NRG3: variants seen among roughly 807,000 people sequenced by gnomAD.
NRG3 encodes the protein pro-neuregulin-3, membrane-bound isoform.
NRG3 carries 31 observed loss-of-function variants against 66.9 expected under a neutral mutation model. That is an observed-to-expected ratio of 0.46 (90% CI 0.35 to 0.63). The LOEUF is 0.63. Among genes scored for constraint, NRG3 ranks in the 20% least tolerant of loss-of-function variants. NRG3 has a pLI of 0.00. For synonymous variants in NRG3, 393 were observed against 359.4 expected (o/e 1.09, Z -1.06); for missense variants, 910 against 878.9 (o/e 1.04, Z -0.45).
At chr10:82,249,594 C>T (rs944855400) in intron 1 of NRG3, among the ~76,000 whole-genome samples, 2 of 152,096 alleles carry the variant, frequency 1.3e-5, no homozygotes, top group Non-Finnish European at 1.5e-5. Flanking sequence ...AATAACCACA[C>T]CCTGACCCAC....
At chr10:82,590,484 A>C (rs1250928814) in intron 2 of NRG3, among the ~76,000 whole-genome samples, 2 of 152,128 alleles carry the variant, frequency 1.3e-5, no homozygotes, top group African/African-American at 4.8e-5. Context: ...AATATTGCCT[A>C]CTCAAAATGT....
At chr10:82,540,927 T>C (rs886726221) in intron 2 of NRG3, among the ~76,000 whole-genome samples, 1 of 152,154 alleles carries the variant, frequency 6.6e-6, no homozygotes, top group Non-Finnish European at 1.5e-5. Context: ...TAAGGTTAAG[T>C]GAGGTCATTA....
intron 1 of NRG3, among the ~76,000 whole-genome samples, chr10:82,330,455 C>A (rs1253303943): frequency 6.6e-6 from 1 of 152,120 alleles, no homozygotes; most frequent in African/African-American, 2.4e-5. Context: ...CCTTTGACAA[C>A]TGCATGAAAT....
intron 2 of NRG3, among the ~76,000 whole-genome samples, chr10:82,496,351 A>G (rs1843633768): frequency 6.6e-6 from 1 of 152,222 alleles, no homozygotes; most frequent in African/African-American, 2.4e-5. Context: ...TGTAATCTGC[A>G]CAGCTACTTT....
intron 3 of NRG3, among the ~76,000 whole-genome samples, chr10:82,829,307 G>T (rs1420406000): frequency 6.6e-6 from 1 of 151,960 alleles, no homozygotes; most frequent in African/African-American, 2.4e-5. Flanking sequence ...CACTTGTCAG[G>T]TCTATGATTT....
chr10:82,976,759 G>C (rs1181674493), intron 7 of NRG3, among the ~76,000 whole-genome samples: 1 of 152,074 alleles, frequency 6.6e-6, no homozygotes, highest in South Asian at 2.1e-4. Flanking sequence ...GTGAGGTCAT[G>C]GCACTTGTGT....
chr10:82,781,358 C>A (rs1056902666), intron 3 of NRG3, among the ~76,000 whole-genome samples: 1 of 152,150 alleles, frequency 6.6e-6, no homozygotes, highest in Non-Finnish European at 1.5e-5. Flanking sequence ...CCATCACTCT[C>A]AAGTAAAATC....
At chr10:82,003,303 A>G (rs920349463) in intron 1 of NRG3, among the ~76,000 whole-genome samples, 1 of 152,180 alleles carries the variant, frequency 6.6e-6, no homozygotes, top group Non-Finnish European at 1.5e-5. Context: ...AGGCAACTGA[A>G]TATATTTAAT....
intron 1 of NRG3, among the ~76,000 whole-genome samples, chr10:82,223,798 G>A (rs1228455280): frequency 6.6e-6 from 1 of 152,036 alleles, no homozygotes; most frequent in African/African-American, 2.4e-5. Flanking sequence ...TCTTATAAAT[G>A]TAGTCAACTA....
intron 4 of NRG3, among the ~76,000 whole-genome samples, chr10:82,920,384 A>G (rs1846312090): frequency 6.6e-6 from 1 of 152,156 alleles, no homozygotes; most frequent in Non-Finnish European, 1.5e-5. Flanking sequence ...TCCATGTGGT[A>G]ATTAATGGAG....
At chr10:82,504,486 G>C (rs1158949061) in intron 2 of NRG3, among the ~76,000 whole-genome samples, 1 of 152,178 alleles carries the variant, frequency 6.6e-6, no homozygotes, top group Non-Finnish European at 1.5e-5. Flanking sequence ...CAATTCTGAA[G>C]GGGATTCTTA....
intron 1 of NRG3, among the ~76,000 whole-genome samples, chr10:82,317,384 G>A (rs1323106135): frequency 6.6e-6 from 1 of 151,884 alleles, no homozygotes; most frequent in Non-Finnish European, 1.5e-5. Context: ...AAGGTATTTG[G>A]CACATTACTG....
At chr10:82,353,286 A>G (rs892068321) in intron 1 of NRG3, among the ~76,000 whole-genome samples, 5 of 152,340 alleles carry the variant, frequency 3.3e-5, no homozygotes, top group Middle Eastern at 6.8e-3. Flanking sequence ...AACCTCCGTA[A>G]GTAATATTCA....
At chr10:82,753,671 G>A (rs747039355) in intron 3 of NRG3, among the ~76,000 whole-genome samples, 34 of 151,532 alleles carry the variant, frequency 2.2e-4, no homozygotes, top group Admixed American at 9.9e-4. Flanking sequence ...AAGTTCCACC[G>A]GGAGTGGTGG....
rs145257981 is a variant in NRG3, at chr10:82,158,550, A to T, written c.824-200189A>T. Among the ~76,000 whole-genome samples the T allele has an allele frequency of 2.7e-4, 41 of 151,954 alleles. No individual in the cohort carries two copies. In the East Asian group the frequency reaches 7.9e-3, roughly 29 times the overall value. On this transcript the variant is annotated intron_variant, in intron 1 of 8. Transcript: ENST00000372141. ...TCTTTTCATGGAAGTGTGTCTGCGCAGGTAAATTGGATGTATATTTCTCTC... is the reference window on the plus strand; with the variant it reads ...TCTTTTCATGGAAGTGTGTCTGCGCTGGTAAATTGGATGTATATTTCTCTC...
In NRG3 at chr10:81,986,739, G is replaced by A. The variant is rs186274211; in HGVS notation, c.823+110576G>A. 1.8e-3 allele frequency among the ~76,000 whole-genome samples: 271 copies of A among 152,076 alleles called. 2 individuals carry two copies. The highest frequency in any genetic ancestry group is 5.3e-3 in the African/African-American group (218 of 41,518). ...GGCAGTCTTGCTCTGTCACCCAGAC[G>A]AGAGCACAGTGGCATGATCATTGCC... On this transcript the variant is annotated intron_variant, in intron 1 of 8. Transcript: ENST00000372141.
intron 3 of NRG3, among the ~76,000 whole-genome samples, chr10:82,758,123 G>A (rs550528913): frequency 6.6e-6 from 1 of 152,056 alleles, no homozygotes; most frequent in African/African-American, 2.4e-5. Context: ...AAGAGAGATT[G>A]CTGAAGGTTA....
intron 2 of NRG3, among the ~76,000 whole-genome samples, chr10:82,526,870 A>C (rs2132601870): frequency 6.6e-6 from 1 of 152,246 alleles, no homozygotes; most frequent in Non-Finnish European, 1.5e-5. Flanking sequence ...ACTTTTAGGC[A>C]TATTTGTATC....
intron 2 of NRG3, among the ~76,000 whole-genome samples, chr10:82,413,320 T>A (rs1267152998): frequency 2.0e-5 from 3 of 152,156 alleles, no homozygotes; most frequent in Admixed American, 6.6e-5. Flanking sequence ...GGTGACCAGG[T>A]GCAATTGTCA....
Sources: allele counts gnomAD v4.1 joint callset (sites outside exome capture counted in the v4.1 genomes callset), GRCh38; gene constraint gnomAD v4.1.1; transcripts MANE v1.5; gene names NCBI Gene and HGNC (gene_info 2026-07-23, HGNC 2026-07-21).